The following WDR11 variants were observed in gnomAD, a reference collection of about 807,000 sequenced individuals.
WDR11 encodes WD repeat-containing protein 11.
A neutral mutation model predicts 151.2 loss-of-function variants in WDR11; 83 were observed. That is an observed-to-expected ratio of 0.55 (90% CI 0.46 to 0.66). WDR11 has a LOEUF of 0.66. WDR11 is among the 30% of genes least tolerant of loss of function. WDR11 has a pLI of 0.00. For missense variants in WDR11, 1,301 were observed against 1,480.9 expected (o/e 0.88, Z 1.99); for synonymous variants, 484 against 533.1 (o/e 0.91, Z 1.27).
At chr10:120,897,413 A>G (rs931610185) in intron 19 of WDR11, among the ~76,000 whole-genome samples, 3 of 152,114 alleles carry the variant, frequency 2.0e-5, no homozygotes, top group Admixed American at 2.0e-4. Context: ...TTTCCTCCAC[A>G]TATTACTTAC....
intron 11 of WDR11, among the ~76,000 whole-genome samples, chr10:120,876,378 C>T (rs957820965): frequency 4.6e-5 from 7 of 152,150 alleles, no homozygotes; most frequent in Admixed American, 6.6e-5. Context: ...TGTGGTGCAG[C>T]CCAGGTGACT....
intron 2 of WDR11, among the ~76,000 whole-genome samples, chr10:120,855,479 TGAA>T (rs1055188826): frequency 5.3e-5 from 8 of 152,332 alleles, no homozygotes; most frequent in Admixed American, 5.2e-4. Flanking sequence ...TGGTGTCTTT[TGAA>T]GAACAAAACT....
At chr10:120,899,905 ACT>A (rs1847751460) in intron 19 of WDR11, 122 bp from the exon 20 acceptor site, 1 of 763,980 alleles carries the variant, frequency 1.3e-6, no homozygotes, top group Admixed American at 2.0e-5. Context: ...CATTGAATAT[ACT>A]CTCAGTTGTT....
At chr10:120,885,510 A>T (rs1418488934) in intron 14 of WDR11, among the ~76,000 whole-genome samples, 1 of 152,162 alleles carries the variant, frequency 6.6e-6, no homozygotes, top group Admixed American at 6.6e-5. Context: ...TCGTGTGCAC[A>T]TAAGAGATGG....
Position 120,878,392 on chromosome 10 carries a change from T to G in WDR11, c.1596T>G (p.Phe532Leu), listed in dbSNP as rs1277774547. The G allele has an allele frequency of 6.2e-7, 1 of 1,613,272 alleles. No homozygotes were observed. The highest frequency in any genetic ancestry group is 1.1e-5 in the South Asian group (1 of 91,026). The change falls in exon 12 of 29, where the codon TTT (phenylalanine) becomes TTG (leucine). Residue 532 changes from phenylalanine to leucine, a missense_variant. By Grantham distance (22) the Phe-to-Leu change is conservative (BLOSUM62 0). Around this residue, in one of 3 missense-constraint regions of WDR11, gnomAD observed 692 missense variants for 762.5 expected, o/e 0.91. Transcript: ENST00000263461. The stretch of plus-strand genomic sequence containing the variant: ...CAAGTTTGACTAGTTTTCTTTCTTT[T>G]GCTACCTCAACACCAAACAATATGG... ...EWTSLTSFLS[F>L]ATSTPNNMGL...
intron 27 of WDR11, 22 bp downstream of exon 27, chr10:120,906,043 G>C: frequency 6.2e-7 from 1 of 1,612,862 alleles, no homozygotes; most frequent in Non-Finnish European, 8.5e-7. Context: ...GTTCACATGG[G>C]CTGCTCAGGC....
intron 4 of WDR11, 67 bp from the exon 5 acceptor site, chr10:120,862,668 T>C (rs1846182496): frequency 6.7e-7 from 1 of 1,498,294 alleles, no homozygotes; most frequent in East Asian, 2.3e-5. Context: ...CTCAAAATTG[T>C]ATTGGAATAA....
intron 5 of WDR11, among the ~76,000 whole-genome samples, chr10:120,864,560 T>C (rs1846248126): frequency 6.6e-6 from 1 of 152,128 alleles, no homozygotes; most frequent in Non-Finnish European, 1.5e-5. Context: ...AGCTTAAAAG[T>C]GAATGAAGGC....
chr10:120,903,280 C>G (rs763702594), intron 23 of WDR11, 48 bp downstream of exon 23: 1 of 1,600,898 alleles, frequency 6.2e-7, no homozygotes. Context: ...ATCTTGATTA[C>G]TTATATCTTT....
intron 2 of WDR11, among the ~76,000 whole-genome samples, chr10:120,858,054 T>C (rs970722995): frequency 5.9e-5 from 9 of 152,200 alleles, no homozygotes; most frequent in Admixed American, 6.5e-5. Flanking sequence ...TTCAAGAATT[T>C]AATCAGATTT....
intron 4 of WDR11, among the ~76,000 whole-genome samples, chr10:120,861,226 G>A (rs773090607): frequency 6.6e-6 from 1 of 152,170 alleles, no homozygotes; most frequent in Non-Finnish European, 1.5e-5. Flanking sequence ...CTTTTATTGA[G>A]GGGTGTGTGT....
At chr10:120,889,825 G>T in intron 17 of WDR11, 70 bp from the exon 18 acceptor site, 1 of 1,046,866 alleles carries the variant, frequency 9.6e-7, no homozygotes, top group Non-Finnish European at 1.5e-6. Flanking sequence ...AGTGAGAGAT[G>T]TTAGACATAG....
intron 9 of WDR11, among the ~76,000 whole-genome samples, 193 bp downstream of exon 9, chr10:120,867,362 G>A (rs569621762): frequency 3.3e-5 from 5 of 152,304 alleles, no homozygotes; most frequent in South Asian, 2.1e-4. Flanking sequence ...GAAGTAGCAC[G>A]GGTTTGCATT....
At chr10:120,899,746 G>A (rs572358814) in intron 19 of WDR11, 87 of 393,372 alleles carry the variant, frequency 2.2e-4, no homozygotes, top group African/African-American at 1.4e-3. Flanking sequence ...TCGCACCACC[G>A]CACTCCAGCC....
At chr10:120,864,237 G>A (rs1411931959) in intron 5 of WDR11, among the ~76,000 whole-genome samples, 2 of 151,992 alleles carry the variant, frequency 1.3e-5, no homozygotes, top group Non-Finnish European at 2.9e-5. Context: ...TGGCAGTCGG[G>A]ATTTTAATGC....
At chr10:120,865,282 T>C (rs1846273440) in intron 6 of WDR11, 70 bp downstream of exon 6, 2 of 1,475,228 alleles carry the variant, frequency 1.4e-6, no homozygotes, top group South Asian at 2.3e-5. Context: ...GGCCATAATC[T>C]TGCATAAGTC....
Position 120,904,690 on chromosome 10 carries a change from C to G in WDR11, c.3072C>G (p.Asn1024Lys), listed in dbSNP as rs1301587692. ...TGCTGTTGGAAACAAGTGCAGATAA[C>G]CAGCATTATTACTGTGATTCACTGA... The part of the protein sequence containing the change: ...VQLLLETSAD[N>K]QHYYCDSLKA... Residue 1024 changes from asparagine (N) to lysine (K), a missense_variant, in exon 25 of 29, where the codon AAC (asparagine) becomes AAG (lysine). Asn to Lys is a moderately conservative substitution (Grantham distance 94, BLOSUM62 0). Around this residue, in one of 3 missense-constraint regions of WDR11, gnomAD observed 589 missense variants for 670.6 expected, o/e 0.88. Transcript: ENST00000263461. The G allele has an allele frequency of 6.2e-6, 10 of 1,614,168 alleles. No homozygotes were observed. Among genetic ancestry groups the G allele is most frequent in the Non-Finnish European group, 7.6e-6 (9 of 1,180,018 alleles).
At chr10:120,893,407 T>C (rs1847494192) in intron 19 of WDR11, among the ~76,000 whole-genome samples, 1 of 152,144 alleles carries the variant, frequency 6.6e-6, no homozygotes, top group Non-Finnish European at 1.5e-5. Context: ...CTTAATCCAG[T>C]CTATGATTGT....
At chr10:120,899,505 G>A (rs1021959582) in intron 19 of WDR11, among the ~76,000 whole-genome samples, 10 of 152,232 alleles carry the variant, frequency 6.6e-5, no homozygotes, top group Middle Eastern at 3.4e-3. Context: ...AAAGAAGGCC[G>A]GGTGTGGTAG....
Sources: allele counts gnomAD v4.1 joint callset (sites outside exome capture counted in the v4.1 genomes callset), GRCh38; gene constraint gnomAD v4.1.1; regional missense constraint gnomAD v4.1.1; transcripts MANE v1.5; gene names NCBI Gene and HGNC (gene_info 2026-07-23, HGNC 2026-07-21).